Variants in NBEAL2 observed in about 807,000 individuals in gnomAD.
NBEAL2 encodes the protein neurobeachin like 2.
NBEAL2 carries 160 observed loss-of-function variants against 299.8 expected under a neutral mutation model. The ratio of observed to expected loss-of-function variants is 0.53; its 90% CI spans 0.47 to 0.61. The LOEUF is 0.61. NBEAL2 is among the 20% of genes least tolerant of loss of function. The pLI is 0.00. For missense variants in NBEAL2, 3,112 were observed against 3,649.0 expected, an observed-to-expected ratio of 0.85 and a Z score of 3.79; for synonymous variants, 1,493 against 1,542.3, an observed-to-expected ratio of 0.97 and a Z score of 0.75.
rs576611084 is a variant in NBEAL2, at chr3:46,989,465, G to A, written c.474-46G>A. On this transcript the variant is annotated intron_variant, in intron 5 of 53. Coordinates refer to ENST00000450053, the MANE Select transcript of NBEAL2 (RefSeq NM_015175.3). This position sits in a 1 kb window ranked among gnomAD's most constrained non-coding sequence, Gnocchi z 5.5. ...TGGGCCCAAGGAGGGGTGACGGCCA[G>A]GAGTGGTGAGAGCCGGGCTGATGTA... 3 of 1,567,910 alleles carry A rather than the reference G, an allele frequency of 1.9e-6. No individual in the cohort carries two copies. The African/African-American group carries it at 4.1e-5, about 21-fold the overall frequency.
chr3:47,004,438 C>G lies in NBEAL2; in HGVS notation c.6198+45C>G, dbSNP rs747891895. On this transcript the variant is annotated intron_variant, in intron 37 of 53. Coordinates refer to ENST00000450053, the MANE Select transcript of NBEAL2 (RefSeq NM_015175.3). The surrounding 1 kb of genome is among the most constrained non-coding windows in gnomAD (Gnocchi z 5.0). Reference sequence around the variant, plus strand: ...GGGATGTGAAGTCGGGACCCTGAATCACGGGGCAGTGCTGGACAGCCCACC... The same window carrying G: ...GGGATGTGAAGTCGGGACCCTGAATGACGGGGCAGTGCTGGACAGCCCACC... 65 of 1,596,740 alleles carry G rather than the reference C, an allele frequency of 4.1e-5. No individual in the cohort carries two copies. Among genetic ancestry groups the G allele is most frequent in the Non-Finnish European group, 5.6e-5 (65 of 1,168,816 alleles).
chr3:47,004,159 T>TGAGC lies in NBEAL2; in HGVS notation c.5965_5968dup (p.Leu1990ArgfsTer27). ...GTTTCAACCTGCGCCGTTCAGCACT[T>TGAGC]GAGCTCTTCTTTATCGATCAGGCCA... On this transcript the variant is annotated frameshift_variant, in exon 37 of 54. Coordinates refer to ENST00000450053, the MANE Select transcript of NBEAL2 (RefSeq NM_015175.3). LOFTEE classifies it high-confidence loss of function. This position sits in a 1 kb window ranked among gnomAD's most constrained non-coding sequence, Gnocchi z 5.0. 6.2e-7 allele frequency: 1 copy of TGAGC among 1,613,744 alleles called. No individual in the cohort carries two copies. The highest frequency in any genetic ancestry group is 2.2e-5 in the East Asian group (1 of 44,888).
rs925392906 is a variant in NBEAL2, at chr3:47,000,482, C to A, written c.4305+78C>A. On this transcript the variant is annotated intron_variant, in intron 27 of 53. Transcript: ENST00000450053. The surrounding 1 kb of genome is among the most constrained non-coding windows in gnomAD (Gnocchi z 4.5). ...TGGTACACAGGGCTGGCAGTGTAGCCTCTCCAAAGGTGTGGCCCTGTCTGA... is the reference window on the plus strand; with the variant it reads ...TGGTACACAGGGCTGGCAGTGTAGCATCTCCAAAGGTGTGGCCCTGTCTGA... 2.0e-6 allele frequency: 3 copies of A among 1,508,772 alleles called. No individual in the cohort carries two copies. In the African/African-American group the frequency reaches 4.2e-5, roughly 21 times the overall value. The allele number at this position is 1,508,772 out of a possible 1,614,324, so 93.5% of individuals were successfully genotyped here. A position where few individuals can be genotyped will look rare whatever the true frequency, so the allele number is the denominator to read the frequency against.
Position 46,998,539 on chromosome 3 carries a change from C to T in NBEAL2, c.3195C>T (p.Ile1065=). The T allele has an allele frequency of 1.2e-6, 2 of 1,612,194 alleles. No homozygotes were observed. Among genetic ancestry groups the T allele is most frequent in the South Asian group, 1.1e-5 (1 of 90,668 alleles). Residue 1065 remains isoleucine, a synonymous_variant, in exon 22 of 54, where the codon ATC becomes ATT. Transcript: ENST00000450053. ...GGAAGAAGTACGGCGTCCAGTTTATCTTGGATGCTCTGCGCACCCACTACA... is the reference window on the plus strand; with the variant it reads ...GGAAGAAGTACGGCGTCCAGTTTATTTTGGATGCTCTGCGCACCCACTACA... ...KLRKKYGVQF[I]LDALRTHYSP...
At chr3:46,999,866 A>G in intron 26 of NBEAL2, 23 bp from the exon 27 acceptor site, 1 of 1,600,570 alleles carries the variant, frequency 6.2e-7, no homozygotes, top group East Asian at 2.2e-5. Flanking sequence ...ATGCGTCCTC[A>G]CTTGCTGTGC....
At position 46,989,031 on chromosome 3, in the gene NBEAL2, A is replaced by G. The variant is rs1040575047; in HGVS notation, c.270-54A>G. 16 of 1,611,492 alleles carry G rather than the reference A, an allele frequency of 9.9e-6. No individual in the cohort carries two copies. The highest frequency in any genetic ancestry group is 4.4e-5 in the South Asian group (4 of 90,774). The stretch of plus-strand genomic sequence containing the variant: ...GAACTGTGGGCCAGAGGGAGAGGGG[A>G]CAAGGAGGGGCATGGTGTATTATTG... On this transcript the variant is annotated intron_variant, in intron 3 of 53. Transcript: ENST00000450053. The surrounding 1 kb of genome is among the most constrained non-coding windows in gnomAD (Gnocchi z 5.5).
rs754897824 is a variant in NBEAL2, at chr3:47,003,800, G to T, written c.5721-16G>T. Reference sequence around the variant, plus strand: ...GTCCCAGAGCCTACAGCGTGAGGTGGGTTGCTGGTCTTTAGGATGGAGGCA... The same window carrying T: ...GTCCCAGAGCCTACAGCGTGAGGTGTGTTGCTGGTCTTTAGGATGGAGGCA... On this transcript the variant is annotated splice_polypyrimidine_tract_variant and intron_variant, in intron 35 of 53. Coordinates refer to ENST00000450053, the MANE Select transcript of NBEAL2 (RefSeq NM_015175.3). The surrounding 1 kb of genome is among the most constrained non-coding windows in gnomAD (Gnocchi z 7.0). 7.0e-6 allele frequency: 11 copies of T among 1,582,128 alleles called. No homozygotes were observed. Among genetic ancestry groups the T allele is most frequent in the Middle Eastern group, 1.7e-4 (1 of 5,770 alleles).
chr3:46,985,138 C>T lies in NBEAL2; in HGVS notation c.52-3531C>T, dbSNP rs190795455. The stretch of plus-strand genomic sequence containing the variant: ...AGAGCAAACAAGAGCAAAGCACAGG[C>T]AGACCTGTGGGGGTAGAGACAGTGA... On this transcript the variant is annotated intron_variant, in intron 1 of 53. Transcript: ENST00000450053. Among the ~76,000 whole-genome samples, 4 of 152,304 alleles carry T rather than the reference C, an allele frequency of 2.6e-5. No individual in the cohort carries two copies. In the East Asian group the frequency reaches 7.7e-4, roughly 29 times the overall value.
At position 46,989,585 on chromosome 3, in the gene NBEAL2, T is replaced by A. The variant is rs1009437569; in HGVS notation, c.548T>A (p.Phe183Tyr). 15 of 1,589,290 alleles carry A rather than the reference T, an allele frequency of 9.4e-6. No homozygotes were observed. The highest frequency in any genetic ancestry group is 1.3e-5 in the Non-Finnish European group (15 of 1,167,720). Residue 183 changes from phenylalanine (F) to tyrosine (Y), a missense_variant, in exon 6 of 54, where the codon TTC becomes TAC. By Grantham distance (22) the Phe-to-Tyr change is conservative. Coordinates refer to ENST00000450053, the MANE Select transcript of NBEAL2 (RefSeq NM_015175.3). This position sits in a 1 kb window ranked among gnomAD's most constrained non-coding sequence, Gnocchi z 5.5. ...GCTTTGCCCCAGGAATTCAGCGCCTTCTTCCAAGGTCAGGCCCCGCCCCTG... is the reference window on the plus strand; with the variant it reads ...GCTTTGCCCCAGGAATTCAGCGCCTACTTCCAAGGTCAGGCCCCGCCCCTG... ...PAALPQEFSAFFQESLQNADH... is the reference protein window; with the variant it reads ...PAALPQEFSAYFQESLQNADH...
In NBEAL2 at chr3:46,985,473, G is replaced by T. The variant is rs150380358; in HGVS notation, c.52-3196G>T. 5.0e-3 allele frequency among the ~76,000 whole-genome samples: 764 copies of T among 152,248 alleles called. 5 individuals carry two copies. Among genetic ancestry groups the T allele is most frequent in the African/African-American group, 0.017 (723 of 41,544 alleles). On this transcript the variant is annotated intron_variant, in intron 1 of 53. Coordinates refer to ENST00000450053, the MANE Select transcript of NBEAL2 (RefSeq NM_015175.3). ...GCCCTCAGCCCTCCAGGTTACTTCA[G>T]AATTCCAGAGGAGTGGCAGTTCCAT... is the stretch of plus-strand genomic sequence containing the variant.
In NBEAL2 at chr3:46,991,769, C is replaced by G. The variant is rs555701567; in HGVS notation, c.926-71C>G. 296 of 1,562,242 alleles carry G rather than the reference C, an allele frequency of 1.9e-4. 2 individuals are homozygous for G. The South Asian group carries it at 3.0e-3, about 16-fold the overall frequency. On this transcript the variant is annotated intron_variant, in intron 8 of 53. Coordinates refer to ENST00000450053, the MANE Select transcript of NBEAL2 (RefSeq NM_015175.3). This position sits in a 1 kb window ranked among gnomAD's most constrained non-coding sequence, Gnocchi z 6.2. ...GTGATGATGGAAGGTCTGGATAGGG[C>G]AGCATAGGAAGGAAGGCTTAAGGCT...
At chr3:47,006,478 T>C (rs745507896) in intron 45 of NBEAL2, 29 bp downstream of exon 45, 12 of 1,544,892 alleles carry the variant, frequency 7.8e-6, no homozygotes, top group Middle Eastern at 1.7e-4. Flanking sequence ...CTCAACTTTA[T>C]ATTCTGTGAA....
chr3:47,003,701 C>G lies in NBEAL2; in HGVS notation c.5721-115C>G. On this transcript the variant is annotated intron_variant, in intron 35 of 53. Coordinates refer to ENST00000450053, the MANE Select transcript of NBEAL2 (RefSeq NM_015175.3). This position sits in a 1 kb window ranked among gnomAD's most constrained non-coding sequence, Gnocchi z 7.0. ...TGGACCCTAGGCAGCCCCTCCCCAT[C>G]TCTGGGAGTCATGAGAGTATATACC... 2 of 1,342,664 alleles carry G rather than the reference C, an allele frequency of 1.5e-6. No individual in the cohort carries two copies. The highest frequency in any genetic ancestry group is 5.5e-5 in the Admixed American group (2 of 36,522). 83.2% of individuals were successfully genotyped at this position (1,342,664 alleles called of 1,614,324 possible).
Position 47,000,004 on chromosome 3 carries a change from C to A in NBEAL2, c.3905C>A (p.Pro1302His). The change falls in exon 27 of 54, where the codon CCC becomes CAC. Residue 1302 changes from proline to histidine, a missense_variant. Coordinates refer to ENST00000450053, the MANE Select transcript of NBEAL2 (RefSeq NM_015175.3). This position sits in a 1 kb window ranked among gnomAD's most constrained non-coding sequence, Gnocchi z 4.5. The stretch of plus-strand genomic sequence containing the variant: ...CTGGAGGCTGCCACAGCCGGCAGCC[C>A]CCCTCCGTCTTCCCCAGAGTCACCT... Reference protein sequence around the residue: ...YVLEAATAGSPPPSSPESPTS... With the variant: ...YVLEAATAGSHPPSSPESPTS... The A allele has an allele frequency of 6.2e-7, 1 of 1,612,462 alleles. No homozygotes were observed. The highest frequency in any genetic ancestry group is 8.5e-7 in the Non-Finnish European group (1 of 1,179,824).
chr3:47,008,193 G>T lies in NBEAL2; in HGVS notation c.7719+7G>T. ...GGCTGTGTCTGGATCTGAGGTGTGT[G>T]TATGCATGTGCCCTGGGGAGGGTGA... On this transcript the variant is annotated splice_region_variant and intron_variant, in intron 50 of 53. Transcript: ENST00000450053. 6.2e-7 allele frequency: 1 copy of T among 1,613,942 alleles called. No individual in the cohort carries two copies. The highest frequency in any genetic ancestry group is 1.3e-5 in the African/African-American group (1 of 75,058).
chr3:46,988,868 C>T lies in NBEAL2; in HGVS notation c.167C>T (p.Pro56Leu), dbSNP rs774992803. 45 of 1,610,566 alleles carry T rather than the reference C, an allele frequency of 2.8e-5. No individual in the cohort carries two copies. The highest frequency in any genetic ancestry group is 3.5e-5 in the Non-Finnish European group (41 of 1,177,710). ...CCAGAGGAGGCAGGTGCAGAGGTCC[C>T]GCTGCTACCACTGGATGAGCTGCAT... is the stretch of plus-strand genomic sequence containing the variant. ...RRPEEAGAEV[P>L]LLPLDELHVL... The change falls in exon 3 of 54, where the codon CCG becomes CTG. Residue 56 changes from proline to leucine, a missense_variant. By Grantham distance (98) the Pro-to-Leu change is moderately conservative. Transcript: ENST00000450053. This position sits in a 1 kb window ranked among gnomAD's most constrained non-coding sequence, Gnocchi z 4.4.
In NBEAL2 at chr3:46,984,906, G is replaced by A. The variant is rs966625149; in HGVS notation, c.52-3763G>A. 5.3e-5 allele frequency among the ~76,000 whole-genome samples: 8 copies of A among 152,268 alleles called. 1 individual carries two copies. In the South Asian group the frequency reaches 6.2e-4, roughly 12 times the overall value. ...ACTCCACTCACCTTACCCTGACCTC[G>A]AGTTGGGTAGGTGTGGCTGGAGAAC... is the stretch of plus-strand genomic sequence containing the variant. On this transcript the variant is annotated intron_variant, in intron 1 of 53. Transcript: ENST00000450053.
At position 46,988,769 on chromosome 3, in the gene NBEAL2, T is replaced by A. The variant is rs745483453; in HGVS notation, c.140+12T>A. The A allele has an allele frequency of 6.2e-7, 1 of 1,612,154 alleles. No homozygotes were observed. Reference sequence around the variant, plus strand: ...CTGGAGCCACGAAGGTGAGGCTGGATCTGCACTGAGGGCAGGGACAGAGCA... The same window carrying A: ...CTGGAGCCACGAAGGTGAGGCTGGAACTGCACTGAGGGCAGGGACAGAGCA... On this transcript the variant is annotated intron_variant, in intron 2 of 53. Transcript: ENST00000450053. This position sits in a 1 kb window ranked among gnomAD's most constrained non-coding sequence, Gnocchi z 4.4.
At position 47,008,414 on chromosome 3, in the gene NBEAL2, C is replaced by G. The variant is rs905471045; in HGVS notation, c.7851C>G (p.Ser2617Arg). 1 of 1,613,720 alleles carries G rather than the reference C, an allele frequency of 6.2e-7. No individual in the cohort carries two copies. Among genetic ancestry groups the G allele is most frequent in the Admixed American group, 1.7e-5 (1 of 60,018 alleles). Reference sequence around the variant, plus strand: ...CCGAAGGCCAGATTGTGGTACAGAGCTCAGCGTGGGAACGTCCTGGGGCCC... The same window carrying G: ...CCGAAGGCCAGATTGTGGTACAGAGGTCAGCGTGGGAACGTCCTGGGGCCC... ...LGSEGQIVVQ[S>R]SAWERPGAQV... The change falls in exon 51 of 54, where the codon AGC becomes AGG. Residue 2617 changes from serine to arginine, a missense_variant. Ser to Arg is a moderately radical substitution (Grantham distance 110). Transcript: ENST00000450053.
Sources: gnomAD v4.1 joint callset for allele counts (sites outside exome capture counted in the v4.1 genomes callset) on GRCh38, gnomAD v4.1.1 for gene constraint, Gnocchi (gnomAD v3.1) non-coding constraint, MANE v1.5 for transcripts, NCBI Gene and HGNC (gene_info 2026-07-23, HGNC 2026-07-21) for gene names.